MOCS2: variants seen among roughly 807,000 people sequenced by gnomAD.
MOCS2 encodes molybdenum cofactor synthesis 2.
A neutral mutation model predicts 21.9 loss-of-function variants in MOCS2; 13 were observed. The observed-to-expected ratio is 0.59, with a 90% CI of 0.39 to 0.94. MOCS2 has a LOEUF of 0.94. Among genes scored for constraint, MOCS2 ranks in the 40% least tolerant of loss-of-function variants. MOCS2 has a pLI of 0.00. For synonymous variants in MOCS2, 92 were observed against 80.8 expected (o/e 1.14, Z -0.74); for missense variants, 227 against 218.3 (o/e 1.04, Z -0.25).
intron 2 of MOCS2, chr5:53,107,503 G>A (rs1051832491): frequency 2.5e-6 from 1 of 407,434 alleles, no homozygotes; most frequent in East Asian, 5.2e-5. Context: ...CAGACTGGAG[G>A]CAACACTCAA....
intron 6 of MOCS2, among the ~76,000 whole-genome samples, chr5:53,099,465 T>C (rs1740845109): frequency 6.6e-6 from 1 of 152,218 alleles, no homozygotes; most frequent in African/African-American, 2.4e-5. Flanking sequence ...CCTCCTGTTG[T>C]GTCAGCCTTG....
chr5:53,107,020 T>C lies in MOCS2; in HGVS notation c.98+57A>G, dbSNP rs1388996321. 2.5e-6 allele frequency: 4 copies of C among 1,588,410 alleles called. No individual in the cohort carries two copies. The East Asian group carries it at 9.0e-5, about 36-fold the overall frequency. On this transcript the variant is annotated intron_variant, in intron 3 of 6. Transcript: ENST00000396954. ...CATTAACAGCAAACCACATACACTT[T>C]ATCATCTGTATGATCCTTCCCCACA...
At chr5:53,108,702 T>C in intron 1 of MOCS2, 59 bp from the exon 2 acceptor site, 1 of 1,547,024 alleles carries the variant, frequency 6.5e-7, no homozygotes, top group Non-Finnish European at 8.8e-7. Flanking sequence ...ACTGTCAATG[T>C]TGAGCAGTTT....
chr5:53,100,871 G>A (rs1579932315), intron 5 of MOCS2: 8 of 335,744 alleles, frequency 2.4e-5, no homozygotes, highest in Admixed American at 9.3e-5. Flanking sequence ...ATGTCCTAAC[G>A]AGTATAATAC....
chr5:53,102,669 G>A (rs1463814394), intron 3 of MOCS2, among the ~76,000 whole-genome samples: 1 of 148,148 alleles, frequency 6.8e-6, no homozygotes, highest in African/African-American at 2.5e-5. Context: ...GTGGCTTCAA[G>A]GGACCAGTGG....
Position 53,107,339 on chromosome 5 carries a change from C to T in MOCS2, c.-47-118G>A, listed in dbSNP as rs1011725766. ...ATATAAAGCATCACCTGCAAAATTA[C>T]CAATTAAATTTACACATAGTATATG... On this transcript the variant is annotated intron_variant, in intron 2 of 6. Coordinates refer to ENST00000396954, the MANE Select transcript of MOCS2 (RefSeq NM_004531.5). The T allele has an allele frequency of 4.2e-6, 4 of 955,296 alleles. No individual in the cohort carries two copies. In the African/African-American group the frequency reaches 6.5e-5, roughly 16 times the overall value. 59.2% of individuals were successfully genotyped at this position (955,296 alleles called of 1,614,324 possible).
Position 53,101,375 on chromosome 5 carries a change from C to T in MOCS2, c.361G>A (p.Val121Met), listed in dbSNP as rs375577760. 3 of 1,613,790 alleles carry T rather than the reference C, an allele frequency of 1.9e-6. No individual in the cohort carries two copies. The highest frequency in any genetic ancestry group is 2.2e-5 in the East Asian group (1 of 44,868). ...RQKWPVKHIA[V>M]FHRLGLVPVS... ...AAATCATACCCAAGTCTATGGAACACTGCTATGTGTTTGACTGGCCATTTC... is the reference window on the plus strand; with the variant it reads ...AAATCATACCCAAGTCTATGGAACATTGCTATGTGTTTGACTGGCCATTTC... The change falls in exon 5 of 7, where the codon GTG becomes ATG. Residue 121 changes from valine to methionine, a missense_variant. Coordinates refer to ENST00000396954, the MANE Select transcript of MOCS2 (RefSeq NM_004531.5).
chr5:53,109,019 A>C (rs897247192), intron 1 of MOCS2, among the ~76,000 whole-genome samples: 4 of 152,252 alleles, frequency 2.6e-5, no homozygotes, highest in African/African-American at 9.6e-5. Context: ...TTACACAAAT[A>C]AAATAAATGA....
intron 3 of MOCS2, among the ~76,000 whole-genome samples, chr5:53,104,856 C>T (rs1030973008): frequency 2.0e-5 from 3 of 152,158 alleles, no homozygotes; most frequent in African/African-American, 7.2e-5. Flanking sequence ...TTCTTTCATT[C>T]CTAACTTACC....
In MOCS2 at chr5:53,108,564, T is replaced by G. The variant is rs1250019161; in HGVS notation, c.-90A>C. 3.0e-5 allele frequency: 49 copies of G among 1,613,662 alleles called. No homozygotes were observed. The highest frequency in any genetic ancestry group is 4.2e-5 in the Non-Finnish European group (49 of 1,179,786). Reference sequence around the variant, plus strand: ...TATCTCCTTCCACAGCTGCAACGCTTTTATTTCTTGAGGCACAGAAATGGT... The same window carrying G: ...TATCTCCTTCCACAGCTGCAACGCTGTTATTTCTTGAGGCACAGAAATGGT... On this transcript the variant is annotated 5_prime_UTR_variant, in exon 2 of 7. Transcript: ENST00000396954.
chr5:53,100,531 C>T lies in MOCS2; in HGVS notation c.381G>A (p.Leu127=). ...KHIAVFHRLG[L]VPVSEASIII... ...TTATGCTTGCTTCTGACACTGGAAC[C>T]AAGCTTTAACAAGATGAAGAGAAAA... The change falls in exon 6 of 7, where the codon TTG becomes TTA. Residue 127 remains leucine (L), a synonymous_variant. Coordinates refer to ENST00000396954, the MANE Select transcript of MOCS2 (RefSeq NM_004531.5). The T allele has an allele frequency of 3.1e-6, 5 of 1,613,390 alleles. No homozygotes were observed. Among genetic ancestry groups the T allele is most frequent in the Non-Finnish European group, 4.2e-6 (5 of 1,179,626 alleles).
At chr5:53,100,774 G>A (rs1297934153) in intron 5 of MOCS2, 4 of 485,464 alleles carry the variant, frequency 8.2e-6, no homozygotes, top group South Asian at 4.3e-5. Flanking sequence ...CCCTCCTGAT[G>A]GGCACCAAGG....
intron 3 of MOCS2, among the ~76,000 whole-genome samples, chr5:53,106,399 G>T (rs1741050280): frequency 6.6e-6 from 1 of 152,150 alleles, no homozygotes; most frequent in Non-Finnish European, 1.5e-5. Flanking sequence ...TCCTTTGCAG[G>T]GACATGGATG....
chr5:53,109,661 C>A lies in MOCS2; in HGVS notation c.-580G>T. 1 of 1,549,508 alleles carries A rather than the reference C, an allele frequency of 6.5e-7. No homozygotes were observed. The highest frequency in any genetic ancestry group is 1.2e-5 in the South Asian group (1 of 83,964). ...GTGGAGGGAAAGGGCGGGAGAGACA[C>A]GTCGAGGAGGGCTCCGCACCCAGGC... On this transcript the variant is annotated 5_prime_UTR_variant, in exon 1 of 7. Transcript: ENST00000396954.
chr5:53,103,330 T>G (rs567261159), intron 3 of MOCS2, among the ~76,000 whole-genome samples: 2 of 152,288 alleles, frequency 1.3e-5, no homozygotes, highest in African/African-American at 4.8e-5. Context: ...GTGGAGGTAT[T>G]GCCACTTTCA....
At chr5:53,104,000 A>G (rs1263843609) in intron 3 of MOCS2, among the ~76,000 whole-genome samples, 2 of 152,204 alleles carry the variant, frequency 1.3e-5, no homozygotes, top group African/African-American at 4.8e-5. Context: ...CTTGCAGGCA[A>G]TGAGGAATAT....
At chr5:53,108,436 C>G (rs1341887505) in intron 2 of MOCS2, 86 bp downstream of exon 2, 1 of 1,334,798 alleles carries the variant, frequency 7.5e-7, no homozygotes, top group Non-Finnish European at 1.0e-6. Context: ...GCACGGAAAT[C>G]GAAATTAACC....
rs761268883 is a variant in MOCS2 at position 53,107,060 on chromosome 5, A to T, written c.98+17T>A. On this transcript the variant is annotated intron_variant, in intron 3 of 6. Transcript: ENST00000396954. ...CCTTCCCCACACGACTGATTAAGAA[A>T]AACAAATCTCACATACCTAGATGGC... 48 of 1,613,872 alleles carry T rather than the reference A, an allele frequency of 3.0e-5. No individual in the cohort carries two copies. The highest frequency in any genetic ancestry group is 3.5e-5 in the Non-Finnish European group (41 of 1,179,942).
chr5:53,101,416 C>T lies in MOCS2; in HGVS notation c.320G>A (p.Cys107Tyr), dbSNP rs761928457. The change falls in exon 5 of 7, where the codon TGT becomes TAT. Residue 107 changes from cysteine (C) to tyrosine (Y), a missense_variant. Physicochemically the swap from Cys to Tyr is radical, Grantham distance 194 (BLOSUM62 -2). Coordinates refer to ENST00000396954, the MANE Select transcript of MOCS2 (RefSeq NM_004531.5). ...PMAENEVRKI[C>Y]SDIRQKWPVK... ...TGGCCATTTCTGCCTAATGTCACTA[C>T]AAATCTTTCTGACTTCATTTTCCGC... 2 of 1,613,858 alleles carry T rather than the reference C, an allele frequency of 1.2e-6. No individual in the cohort carries two copies. Among genetic ancestry groups the T allele is most frequent in the South Asian group, 1.1e-5 (1 of 91,064 alleles).
Sources: allele counts gnomAD v4.1 joint callset (sites outside exome capture counted in the v4.1 genomes callset), GRCh38; gene constraint gnomAD v4.1.1; transcripts MANE v1.5; gene names NCBI Gene and HGNC (gene_info 2026-07-23, HGNC 2026-07-21).